Variants in ARSB observed in about 807,000 individuals in gnomAD.
ARSB encodes the protein N-acetylgalactosamine-4-sulfatase.
In ARSB, 41 loss-of-function variants were observed where a neutral mutation model predicts 50.9. The ratio of observed to expected loss-of-function variants is 0.81; its 90% CI spans 0.63 to 1.04. The LOEUF is 1.04. Among genes scored for constraint, ARSB ranks in the 50% least tolerant of loss-of-function variants. The pLI is 0.00. For synonymous variants in ARSB, 269 were observed against 284.8 expected (o/e 0.94, Z 0.56); for missense variants, 672 against 693.3 (o/e 0.97, Z 0.35).
At chr5:78,888,788 T>C (rs936208366) in intron 4 of ARSB, among the ~76,000 whole-genome samples, 1 of 152,212 alleles carries the variant, frequency 6.6e-6, no homozygotes, top group African/African-American at 2.4e-5. Flanking sequence ...AAAGGGAAGG[T>C]GTTTCCACAT....
At chr5:78,824,392 G>A (rs1744352202) in intron 6 of ARSB, among the ~76,000 whole-genome samples, 1 of 152,120 alleles carries the variant, frequency 6.6e-6, no homozygotes, top group African/African-American at 2.4e-5. Context: ...GCTTCAAATT[G>A]GGTGAAAGTC....
At chr5:78,955,064 T>C (rs567713245) in intron 4 of ARSB, among the ~76,000 whole-genome samples, 1 of 152,326 alleles carries the variant, frequency 6.6e-6, no homozygotes, top group East Asian at 1.9e-4. Context: ...AGTGAACATG[T>C]GTTTTCAAGC....
At chr5:78,909,750 G>C (rs1749220238) in intron 4 of ARSB, among the ~76,000 whole-genome samples, 1 of 152,136 alleles carries the variant, frequency 6.6e-6, no homozygotes, top group Admixed American at 6.5e-5. Flanking sequence ...TTGTGGGATG[G>C]GAAAGACCTG....
intron 1 of ARSB, among the ~76,000 whole-genome samples, chr5:78,971,385 T>C (rs1201278187): frequency 6.6e-6 from 1 of 152,184 alleles, no homozygotes; most frequent in African/African-American, 2.4e-5. Flanking sequence ...GAGCTCTTGA[T>C]TTATAGAATA....
chr5:78,866,357 G>C (rs555490991), intron 5 of ARSB, among the ~76,000 whole-genome samples: 3 of 152,228 alleles, frequency 2.0e-5, no homozygotes, highest in African/African-American at 7.2e-5. Context: ...ACTATCATGA[G>C]AACAGCATAG....
At chr5:78,929,470 C>G (rs1358145693) in intron 4 of ARSB, among the ~76,000 whole-genome samples, 1 of 152,044 alleles carries the variant, frequency 6.6e-6, no homozygotes, top group Non-Finnish European at 1.5e-5. Flanking sequence ...AATTAGAGAC[C>G]ACTACCATGA....
At chr5:78,782,114 T>C in intron 6 of ARSB, 140 bp from the exon 7 acceptor site, 1 of 1,073,602 alleles carries the variant, frequency 9.3e-7, no homozygotes, top group Admixed American at 2.1e-5. Context: ...GAAATGAATC[T>C]TTTATTAAAT....
At chr5:78,965,409 C>T (rs1342596327) in intron 2 of ARSB, among the ~76,000 whole-genome samples, 3 of 152,020 alleles carry the variant, frequency 2.0e-5, no homozygotes, top group Non-Finnish European at 4.4e-5. Flanking sequence ...TAAATGCCCA[C>T]AACATGTAAA....
rs541561534 is a variant in ARSB at position 78,906,355 on chromosome 5, A to C, written c.899-20528T>G. 2.6e-5 allele frequency among the ~76,000 whole-genome samples: 4 copies of C among 152,148 alleles called. No homozygotes were observed. The South Asian group carries it at 8.3e-4, about 32-fold the overall frequency. On this transcript the variant is annotated intron_variant, in intron 4 of 7. Transcript: ENST00000264914. ...CTCAAAAAATTAAAAGAAAAGAAAA[A>C]ACAAATAAAATAGGAATTCCCCATA...
chr5:78,859,526 C>T (rs1050365654), intron 5 of ARSB, among the ~76,000 whole-genome samples: 9 of 152,104 alleles, frequency 5.9e-5, no homozygotes, highest in Non-Finnish European at 8.8e-5. Context: ...CTGGCAACAG[C>T]GTTGGAAACT....
At chr5:78,850,910 C>G (rs1454962912) in intron 5 of ARSB, among the ~76,000 whole-genome samples, 1 of 152,160 alleles carries the variant, frequency 6.6e-6, no homozygotes. Flanking sequence ...GTGATATCCC[C>G]TTTATCATTT....
rs1743302979 is a variant in ARSB at position 78,799,545 on chromosome 5, C to T, written c.1214-17571G>A. Among the ~76,000 whole-genome samples the T allele has an allele frequency of 1.3e-5, 2 of 152,202 alleles. 1 individual carries two copies. The highest frequency in any genetic ancestry group is 3.8e-4 in the East Asian group (2 of 5,200). ...TTCCCCTGATGCTGGTGCTCACCTACTCACATGAAGGATGATGTGTATGGC... is the reference window on the plus strand; with the variant it reads ...TTCCCCTGATGCTGGTGCTCACCTATTCACATGAAGGATGATGTGTATGGC... On this transcript the variant is annotated intron_variant, in intron 6 of 7. Transcript: ENST00000264914.
At chr5:78,836,533 A>T (rs1207112554) in intron 6 of ARSB, among the ~76,000 whole-genome samples, 1 of 152,208 alleles carries the variant, frequency 6.6e-6, no homozygotes, top group Non-Finnish European at 1.5e-5. Flanking sequence ...ATACATAGGA[A>T]ACTGAGTCCA....
intron 5 of ARSB, among the ~76,000 whole-genome samples, chr5:78,862,872 T>C (rs938809183): frequency 2.6e-5 from 4 of 152,194 alleles, no homozygotes; most frequent in African/African-American, 4.8e-5. Context: ...AAAGGGCTAA[T>C]ATCCAGAATC....
chr5:78,881,390 T>C (rs1003403224), intron 5 of ARSB, among the ~76,000 whole-genome samples: 3 of 150,946 alleles, frequency 2.0e-5, no homozygotes, highest in Non-Finnish European at 3.0e-5. Context: ...GGGAAAGACA[T>C]CCATGTAGAA....
At chr5:78,848,242 A>G (rs9632425) in intron 5 of ARSB, among the ~76,000 whole-genome samples, 15,006 of 84,286 alleles carry the variant, frequency 0.18, 1,233 homozygotes, top group Middle Eastern at 0.29. Context: ...AACACTCCCC[A>G]GAGTGTGATG....
Position 78,914,893 on chromosome 5 carries a change from T to C in ARSB, c.899-29066A>G, listed in dbSNP as rs564960506. Among the ~76,000 whole-genome samples the C allele has an allele frequency of 1.3e-4, 20 of 152,322 alleles. No individual in the cohort carries two copies. In the East Asian group the frequency reaches 3.9e-3, roughly 29 times the overall value. ...TGTTGGCCAGGCTGTTCTTTAACTC[T>C]GGCTCAAGTGACCTGCCTTGGCCTC... On this transcript the variant is annotated intron_variant, in intron 4 of 7. Transcript: ENST00000264914.
At chr5:78,855,777 G>A (rs55695628) in intron 5 of ARSB, among the ~76,000 whole-genome samples, 19,287 of 152,136 alleles carry the variant, frequency 0.13, 1,422 homozygotes, top group Middle Eastern at 0.21. Flanking sequence ...TGATGGGGCT[G>A]CTGGGATCCT....
chr5:78,928,995 G>T lies in ARSB; in HGVS notation c.898+26300C>A, dbSNP rs958359224. ...CCTGCTCACTCCCCATGCCCAAAAC[G>T]TCCTGCTCTCCGTGTCCATTGCCTA... On this transcript the variant is annotated intron_variant, in intron 4 of 7. Coordinates refer to ENST00000264914, the MANE Select transcript of ARSB (RefSeq NM_000046.5). 3.3e-5 allele frequency among the ~76,000 whole-genome samples: 5 copies of T among 151,874 alleles called. 1 individual carries two copies. The South Asian group carries it at 6.2e-4, about 19-fold the overall frequency.
Sources: gnomAD v4.1 joint callset for allele counts (sites outside exome capture counted in the v4.1 genomes callset) on GRCh38, gnomAD v4.1.1 for gene constraint, MANE v1.5 for transcripts, NCBI Gene and HGNC (gene_info 2026-07-23, HGNC 2026-07-21) for gene names.